HSDL2: variants seen among roughly 807,000 people sequenced by gnomAD.
The protein encoded by HSDL2 is hydroxysteroid dehydrogenase-like protein 2.
Under a neutral mutation model 46.3 loss-of-function variants are expected in HSDL2, and 27 were observed. That is an observed-to-expected ratio of 0.58 (90% CI 0.43 to 0.80). HSDL2 has a LOEUF of 0.80. Among genes scored for constraint, HSDL2 ranks in the 30% least tolerant of loss-of-function variants. HSDL2 has a pLI of 0.00. For synonymous variants in HSDL2, 153 were observed against 163.6 expected (o/e 0.94, Z 0.50); for missense variants, 451 against 502.7 (o/e 0.90, Z 0.98).
chr9:112,421,094 C>T (rs1182645585), intron 6 of HSDL2, among the ~76,000 whole-genome samples: 2 of 152,124 alleles, frequency 1.3e-5, no homozygotes, highest in East Asian at 3.9e-4. Context: ...CTTTGAGAAG[C>T]AGAGGCAGGA....
At chr9:112,398,587 G>C (rs543258479) in intron 1 of HSDL2, among the ~76,000 whole-genome samples, 10 of 152,130 alleles carry the variant, frequency 6.6e-5, no homozygotes, top group African/African-American at 2.4e-4. Flanking sequence ...AACGAAGGCC[G>C]AACGGGAGAG....
At chr9:112,411,724 T>G in intron 4 of HSDL2, among the ~76,000 whole-genome samples, 1 of 152,158 alleles carries the variant, frequency 6.6e-6, no homozygotes. Context: ...ATGAAAAACT[T>G]GAACTAGAAA....
chr9:112,442,244 G>C (rs543842768), intron 8 of HSDL2, among the ~76,000 whole-genome samples: 13 of 136,770 alleles, frequency 9.5e-5, no homozygotes, highest in African/African-American at 3.6e-4. Flanking sequence ...ACTCTAGCCT[G>C]GGTGACAGAG....
rs111459650 is a variant in HSDL2, at chr9:112,381,088, T to TACACACACACACACACACACAC, written c.17+916_17+937dup. On this transcript the variant is annotated intron_variant, in intron 1 of 10. Coordinates refer to ENST00000398805, the MANE Select transcript of HSDL2 (RefSeq NM_032303.5). ...TGAACATAATTTGTATACATCCGGA[T>TACACACACACACACACACACAC]ACACACACACACACACACACACACA... Among the ~76,000 whole-genome samples the TACACACACACACACACACACAC allele has an allele frequency of 2.6e-3, 353 of 134,232 alleles. 1 individual carries two copies. The highest frequency in any genetic ancestry group is 3.6e-3 in the South Asian group (15 of 4,132). The allele number at this position is 134,232 out of a possible 152,430, so 88.1% of individuals were successfully genotyped here. A position where few individuals can be genotyped will look rare whatever the true frequency, so the allele number is the denominator to read the frequency against.
At chr9:112,446,991 A>G (rs1017674005) in intron 8 of HSDL2, among the ~76,000 whole-genome samples, 2 of 152,208 alleles carry the variant, frequency 1.3e-5, no homozygotes, top group Non-Finnish European at 2.9e-5. Context: ...CATGAGGGAA[A>G]GCACAGGAGA....
chr9:112,471,205 A>G lies in HSDL2; in HGVS notation c.*661A>G, dbSNP rs1833567285. On this transcript the variant is annotated 3_prime_UTR_variant, in exon 11 of 11. Transcript: ENST00000398805. Reference sequence around the variant, plus strand: ...ACAAAATAATTTTCTCCCTAGGAGTATGCATTTGGCTACAGTGTTTTGAAA... The same window carrying G: ...ACAAAATAATTTTCTCCCTAGGAGTGTGCATTTGGCTACAGTGTTTTGAAA... The G allele has an allele frequency of 6.6e-6, 1 of 152,256 alleles. No homozygotes were observed. Among genetic ancestry groups the G allele is most frequent in the South Asian group, 2.1e-4 (1 of 4,832 alleles). The allele number at this position is 152,256 out of a possible 1,614,324, so 9.4% of individuals were successfully genotyped here.
At chr9:112,458,319 TC>T (rs796382691) in intron 9 of HSDL2, among the ~76,000 whole-genome samples, 32 of 38,444 alleles carry the variant, frequency 8.3e-4, no homozygotes, top group East Asian at 5.0e-3. Flanking sequence ...AACCACTTCT[TC>T]TTTTTTTTTT....
chr9:112,439,987 T>C (rs771056647), intron 7 of HSDL2, among the ~76,000 whole-genome samples: 10 of 152,224 alleles, frequency 6.6e-5, no homozygotes, highest in Non-Finnish European at 1.5e-4. Context: ...GTGCCCAGCA[T>C]ATAGTACACT....
intron 4 of HSDL2, chr9:112,414,131 T>C (rs1831937726): frequency 6.4e-6 from 1 of 156,086 alleles, no homozygotes; most frequent in Non-Finnish European, 1.4e-5. Context: ...TTAGGCTAAA[T>C]TGTGGGAGCT....
In HSDL2 at chr9:112,396,887, G is replaced by T. The variant is rs562949081; in HGVS notation, c.18-7108G>T. On this transcript the variant is annotated intron_variant, in intron 1 of 10. Coordinates refer to ENST00000398805, the MANE Select transcript of HSDL2 (RefSeq NM_032303.5). ...GGTAAGTTTGTGTGTGCTGGGGGCT[G>T]TGTTGGGACCGCTTGAAGCAGAAAT... 6.6e-5 allele frequency among the ~76,000 whole-genome samples: 10 copies of T among 152,322 alleles called. No homozygotes were observed. The East Asian group carries it at 1.9e-3, about 29-fold the overall frequency.
intron 10 of HSDL2, among the ~76,000 whole-genome samples, chr9:112,468,570 C>T (rs1833464111): frequency 1.3e-5 from 2 of 151,978 alleles, no homozygotes. Flanking sequence ...CTGCCTTTCC[C>T]CCTTTCCCTT....
At chr9:112,393,013 A>G (rs1177236153) in intron 1 of HSDL2, among the ~76,000 whole-genome samples, 1 of 152,128 alleles carries the variant, frequency 6.6e-6, no homozygotes, top group Non-Finnish European at 1.5e-5. Flanking sequence ...TTTTTATATA[A>G]ATGAGCCATG....
At chr9:112,431,606 G>T (rs547423875) in intron 6 of HSDL2, among the ~76,000 whole-genome samples, 2 of 152,092 alleles carry the variant, frequency 1.3e-5, no homozygotes, top group Admixed American at 1.3e-4. Flanking sequence ...TCTCCTGAAC[G>T]GTTTAGCACC....
chr9:112,446,585 T>G (rs966185615), intron 8 of HSDL2, among the ~76,000 whole-genome samples: 2 of 152,190 alleles, frequency 1.3e-5, no homozygotes, highest in Admixed American at 6.5e-5. Context: ...AAGCTGTGAT[T>G]GTGCCATTGC....
At chr9:112,398,587 G>A (rs543258479) in intron 1 of HSDL2, among the ~76,000 whole-genome samples, 1 of 152,012 alleles carries the variant, frequency 6.6e-6, no homozygotes, top group Non-Finnish European at 1.5e-5. Flanking sequence ...AACGAAGGCC[G>A]AACGGGAGAG....
At chr9:112,441,030 T>TAATAAATA (rs903624995) in intron 7 of HSDL2, among the ~76,000 whole-genome samples, 1 of 147,144 alleles carries the variant, frequency 6.8e-6, no homozygotes, top group Non-Finnish European at 1.5e-5. Flanking sequence ...AATAAATAAA[T>TAATAAATA]AATAAATAAA....
At chr9:112,467,410 G>A (rs1833424738) in intron 10 of HSDL2, among the ~76,000 whole-genome samples, 1 of 152,048 alleles carries the variant, frequency 6.6e-6, no homozygotes, top group Non-Finnish European at 1.5e-5. Flanking sequence ...GGAGGCAGGG[G>A]GAGCTGCTAA....
intron 9 of HSDL2, among the ~76,000 whole-genome samples, chr9:112,457,109 C>G (rs1833055069): frequency 6.6e-6 from 1 of 151,994 alleles, no homozygotes; most frequent in African/African-American, 2.4e-5. Context: ...GATCGCATCA[C>G]TGCACTCCAG....
At chr9:112,445,717 T>A (rs1312460701) in intron 8 of HSDL2, among the ~76,000 whole-genome samples, 1 of 152,052 alleles carries the variant, frequency 6.6e-6, no homozygotes, top group Non-Finnish European at 1.5e-5. Context: ...AGAGATGGGG[T>A]TTCGCCACAT....
Sources: gnomAD v4.1 joint callset for allele counts (sites outside exome capture counted in the v4.1 genomes callset) on GRCh38, gnomAD v4.1.1 for gene constraint, MANE v1.5 for transcripts, NCBI Gene and HGNC (gene_info 2026-07-23, HGNC 2026-07-21) for gene names.